TMEM135: variants seen among roughly 807,000 people sequenced by gnomAD.
The protein encoded by TMEM135 is transmembrane protein 135.
Under a neutral mutation model 60.3 loss-of-function variants are expected in TMEM135, and 30 were observed. That is an observed-to-expected ratio of 0.50 (90% CI 0.37 to 0.68). TMEM135 has a LOEUF of 0.68. TMEM135 is among the 30% of genes least tolerant of loss of function. The pLI is 0.00. For synonymous variants in TMEM135, 190 were observed against 186.7 expected, an observed-to-expected ratio of 1.02 and a Z score of -0.14; for missense variants, 468 against 548.8, an observed-to-expected ratio of 0.85 and a Z score of 1.47.
intron 1 of TMEM135, among the ~76,000 whole-genome samples, chr11:87,045,628 A>G (rs1287244914): frequency 1.3e-5 from 2 of 152,154 alleles, no homozygotes; most frequent in African/African-American, 4.8e-5. Flanking sequence ...CTGGTAACAG[A>G]TTTTCCATCA....
intron 1 of TMEM135, among the ~76,000 whole-genome samples, chr11:87,060,417 G>T (rs2135127182): frequency 6.6e-6 from 1 of 152,208 alleles, no homozygotes; most frequent in South Asian, 2.1e-4. Flanking sequence ...CTATGTTTTT[G>T]TGTTTTTCTC....
chr11:87,133,664 A>T (rs1485248603), intron 4 of TMEM135, among the ~76,000 whole-genome samples: 1 of 152,268 alleles, frequency 6.6e-6, no homozygotes, highest in East Asian at 1.9e-4. Context: ...TACTCTACAA[A>T]TTTATTTCCT....
chr11:87,310,947 G>A (rs959868548), intron 10 of TMEM135, among the ~76,000 whole-genome samples: 4 of 151,898 alleles, frequency 2.6e-5, no homozygotes, highest in Non-Finnish European at 4.4e-5. Flanking sequence ...CATTAAAGGA[G>A]TGTGCATTTT....
intron 1 of TMEM135, among the ~76,000 whole-genome samples, chr11:87,046,823 T>C (rs945723521): frequency 2.0e-5 from 3 of 152,126 alleles, no homozygotes; most frequent in Non-Finnish European, 2.9e-5. Context: ...GAGGTGGTAG[T>C]GTTACTGAGT....
intron 9 of TMEM135, among the ~76,000 whole-genome samples, chr11:87,308,135 G>A (rs1182540487): frequency 1.3e-5 from 2 of 152,110 alleles, no homozygotes; most frequent in Non-Finnish European, 2.9e-5. Flanking sequence ...TAATGAGCAT[G>A]AAAGCTCCAC....
At chr11:87,271,794 A>T (rs921005903) in intron 6 of TMEM135, among the ~76,000 whole-genome samples, 35 of 151,682 alleles carry the variant, frequency 2.3e-4, no homozygotes, top group Non-Finnish European at 1.5e-4. Context: ...AAAATACCTG[A>T]GCTTGGCAGC....
At chr11:87,151,086 C>T (rs1349125228) in intron 4 of TMEM135, among the ~76,000 whole-genome samples, 1 of 151,838 alleles carries the variant, frequency 6.6e-6, no homozygotes, top group African/African-American at 2.4e-5. Flanking sequence ...ATTCCTGTTT[C>T]TTTGTTTAAT....
At position 87,110,460 on chromosome 11, in the gene TMEM135, TAA is replaced by T. The variant is rs111655148; in HGVS notation, c.396+19078_396+19079del. 2.3e-4 allele frequency among the ~76,000 whole-genome samples: 35 copies of T among 149,410 alleles called. No individual in the cohort carries two copies. In the East Asian group the frequency reaches 4.9e-3, roughly 21 times the overall value. ...CAGAGTGAGAACCTGTCTTTGAATT[TAA>T]AAAAAAAAAAAATTGAATCCTGGTT... On this transcript the variant is annotated intron_variant, in intron 4 of 14. Coordinates refer to ENST00000305494, the MANE Select transcript of TMEM135 (RefSeq NM_022918.4).
chr11:87,246,547 G>A (rs562803930), intron 6 of TMEM135, among the ~76,000 whole-genome samples: 23 of 152,156 alleles, frequency 1.5e-4, no homozygotes, highest in African/African-American at 4.1e-4. Flanking sequence ...GGCTTTGTTC[G>A]TTTCTTTGTG....
At chr11:87,088,930 A>G (rs1434037788) in intron 3 of TMEM135, among the ~76,000 whole-genome samples, 1 of 152,208 alleles carries the variant, frequency 6.6e-6, no homozygotes, top group African/African-American at 2.4e-5. Context: ...ATGATGCCAT[A>G]AGTGGAAAAT....
At chr11:87,147,547 G>A (rs1938449072) in intron 4 of TMEM135, among the ~76,000 whole-genome samples, 1 of 152,026 alleles carries the variant, frequency 6.6e-6, no homozygotes, top group African/African-American at 2.4e-5. Context: ...TGTGTGCATA[G>A]CAGAACATAG....
chr11:87,115,542 T>G (rs1318212471), intron 4 of TMEM135, among the ~76,000 whole-genome samples: 1 of 152,138 alleles, frequency 6.6e-6, no homozygotes, highest in African/African-American at 2.4e-5. Context: ...TACATTTAAT[T>G]TACAGCCTTT....
intron 5 of TMEM135, among the ~76,000 whole-genome samples, chr11:87,167,641 C>T (rs1301479529): frequency 1.3e-5 from 2 of 152,172 alleles, no homozygotes; most frequent in Non-Finnish European, 2.9e-5. Context: ...ACCAGCCTTG[C>T]ATCCCAGGGA....
At chr11:87,064,262 CTTTT>C (rs57086268) in intron 1 of TMEM135, among the ~76,000 whole-genome samples, 4 of 143,062 alleles carry the variant, frequency 2.8e-5, no homozygotes, top group Non-Finnish European at 3.1e-5. Flanking sequence ...CGAATGACTC[CTTTT>C]TTTTTTTTTT....
intron 6 of TMEM135, among the ~76,000 whole-genome samples, chr11:87,290,287 A>G (rs1287902280): frequency 7.5e-6 from 1 of 133,550 alleles, no homozygotes; most frequent in Non-Finnish European, 1.5e-5. Context: ...AACATTTTAT[A>G]TTGAATGGAT....
At chr11:87,206,029 A>T (rs927411543) in intron 5 of TMEM135, among the ~76,000 whole-genome samples, 1 of 152,196 alleles carries the variant, frequency 6.6e-6, no homozygotes, top group Non-Finnish European at 1.5e-5. Context: ...TGTAGGTCTC[A>T]TCTGGTCTAT....
chr11:87,095,116 A>ATGC (rs1458323010), intron 4 of TMEM135: 1 of 185,814 alleles, frequency 5.4e-6, no homozygotes, highest in African/African-American at 2.3e-5. Flanking sequence ...CAGCTCCTGC[A>ATGC]TGCTGCTGCT....
chr11:87,127,812 C>T (rs532414531), intron 4 of TMEM135, among the ~76,000 whole-genome samples: 1 of 151,838 alleles, frequency 6.6e-6, no homozygotes, highest in Non-Finnish European at 1.5e-5. Context: ...TTTTCAGTTG[C>T]TTATCTTTTT....
At chr11:87,087,224 A>G (rs1396471250) in intron 3 of TMEM135, among the ~76,000 whole-genome samples, 5 of 151,508 alleles carry the variant, frequency 3.3e-5, no homozygotes, top group Non-Finnish European at 2.9e-5. Flanking sequence ...ACTGGTGGCT[A>G]TAGTTATGTC....
Sources: allele counts gnomAD v4.1 joint callset (sites outside exome capture counted in the v4.1 genomes callset), GRCh38; gene constraint gnomAD v4.1.1; transcripts MANE v1.5; gene names NCBI Gene and HGNC (gene_info 2026-07-23, HGNC 2026-07-21).